The following TECTA variants were observed in gnomAD, a reference collection of about 807,000 sequenced individuals.
TECTA encodes the protein tectorin alpha.
A neutral mutation model predicts 216.8 loss-of-function variants in TECTA; 128 were observed. That is an observed-to-expected ratio of 0.59 (90% CI 0.51 to 0.68). TECTA has a LOEUF of 0.68. Ranked by LOEUF, TECTA falls within the 30% of genes least tolerant of loss-of-function variation. TECTA has a pLI of 0.00. For missense variants in TECTA, 2,551 were observed against 2,786.2 expected, an observed-to-expected ratio of 0.92 and a Z score of 1.90; for synonymous variants, 1,089 against 1,117.1, an observed-to-expected ratio of 0.97 and a Z score of 0.50.
At chr11:121,141,324 A>G (rs1426735309) in intron 11 of TECTA, among the ~76,000 whole-genome samples, 2 of 152,260 alleles carry the variant, frequency 1.3e-5, no homozygotes, top group African/African-American at 4.8e-5. Context: ...CACAGCCCAC[A>G]GTGCAGGTCA....
chr11:121,190,096 C>T (rs1947327224), intron 23 of TECTA: 1 of 563,246 alleles, frequency 1.8e-6, no homozygotes, highest in Non-Finnish European at 3.2e-6. Flanking sequence ...GCTCTTTCAT[C>T]TAAAATATAA....
At position 121,168,751 on chromosome 11, in the gene TECTA, A is replaced by G. The variant is rs373343675; in HGVS notation, c.5825A>G (p.Tyr1942Cys). The G allele has an allele frequency of 6.2e-7, 1 of 1,614,204 alleles. No individual in the cohort carries two copies. The highest frequency in any genetic ancestry group is 8.5e-7 in the Non-Finnish European group (1 of 1,180,026). Residue 1942 changes from tyrosine to cysteine, a missense_variant, in exon 20 of 24, where the codon TAC becomes TGC. Around this residue, in one of 3 missense-constraint regions of TECTA, gnomAD observed 2,375 missense variants for 2,563.9 expected, o/e 0.93. Transcript: ENST00000392793. ...TKMALYKNAS[Y>C]KHPYRQGEVV... ...ATGGCTCTCTACAAAAACGCCTCCT[A>G]CAAACATCCTTACCGCCAGGGTGAA...
At chr11:121,128,419 T>C in intron 9 of TECTA, 75 bp downstream of exon 9, 1 of 1,459,426 alleles carries the variant, frequency 6.9e-7, no homozygotes, top group South Asian at 1.2e-5. Flanking sequence ...CCTCTTCAGG[T>C]TTGCCTTTCT....
intron 13 of TECTA, among the ~76,000 whole-genome samples, chr11:121,156,585 C>G (rs1015500699): frequency 6.6e-6 from 1 of 152,094 alleles, no homozygotes; most frequent in African/African-American, 2.4e-5. Flanking sequence ...CTCCGGTGAT[C>G]CACCCACCTC....
intron 10 of TECTA, among the ~76,000 whole-genome samples, chr11:121,135,186 C>T (rs1946714023): frequency 1.3e-5 from 2 of 152,194 alleles, no homozygotes; most frequent in South Asian, 4.1e-4. Context: ...TGGATGACAG[C>T]TGTGAATCAG....
chr11:121,188,034 C>A, intron 21 of TECTA, 40 bp downstream of exon 21: 5 of 1,611,550 alleles, frequency 3.1e-6, no homozygotes, highest in Non-Finnish European at 4.2e-6. Context: ...AGCCTTATTT[C>A]TCACTGTCTT....
chr11:121,103,658 C>G (rs1946366664), intron 2 of TECTA, among the ~76,000 whole-genome samples: 1 of 151,900 alleles, frequency 6.6e-6, no homozygotes, highest in Non-Finnish European at 1.5e-5. Flanking sequence ...TAGGGATATT[C>G]TTTCTTTTAG....
rs1555127488 is a variant in TECTA at position 121,158,005 on chromosome 11, C to T, written c.4470C>T (p.Ala1490=). 5 of 1,612,864 alleles carry T rather than the reference C, an allele frequency of 3.1e-6. No individual in the cohort carries two copies. The highest frequency in any genetic ancestry group is 4.2e-6 in the Non-Finnish European group (5 of 1,179,914). The change falls in exon 14 of 24, where the codon GCC becomes GCT. Residue 1490 remains alanine (A), a synonymous_variant. Transcript: ENST00000392793. ...FSTKTSYCLA[A]GGGVFRTFDG... ...CCAAGACCTCCTACTGCCTGGCGGC[C>T]GGCGGCGGCGTCTTCCGCACCTTCG...
intron 20 of TECTA, among the ~76,000 whole-genome samples, chr11:121,172,612 A>G (rs1439449684): frequency 6.6e-6 from 1 of 151,748 alleles, no homozygotes; most frequent in African/African-American, 2.4e-5. Context: ...GGTTGGTTCC[A>G]AGTCTTTGCT....
chr11:121,143,211 C>G (rs1411931701), intron 11 of TECTA, among the ~76,000 whole-genome samples: 1 of 152,172 alleles, frequency 6.6e-6, no homozygotes, highest in African/African-American at 2.4e-5. Flanking sequence ...GGATACAAGG[C>G]CCTTCATGAT....
chr11:121,140,505 A>G (rs1355660470), intron 11 of TECTA, among the ~76,000 whole-genome samples: 1 of 152,200 alleles, frequency 6.6e-6, no homozygotes, highest in Non-Finnish European at 1.5e-5. Context: ...GGAGGTGTGA[A>G]TTAGTTTATT....
At chr11:121,152,505 A>G (rs960260315) in intron 12 of TECTA, among the ~76,000 whole-genome samples, 5 of 152,320 alleles carry the variant, frequency 3.3e-5, no homozygotes, top group African/African-American at 1.2e-4. Context: ...AATGTGAATG[A>G]AGACCTAGAG....
intron 20 of TECTA, among the ~76,000 whole-genome samples, chr11:121,175,594 G>C (rs996950651): frequency 1.6e-4 from 24 of 152,260 alleles, no homozygotes; most frequent in African/African-American, 5.5e-4. Context: ...CATTTGCTGA[G>C]GAGAGCTTTA....
Position 121,127,507 on chromosome 11 carries a change from T to A in TECTA, c.1775-245T>A, listed in dbSNP as rs562707726. 1.2e-4 allele frequency among the ~76,000 whole-genome samples: 18 copies of A among 152,284 alleles called. No homozygotes were observed. In the South Asian group the frequency reaches 3.7e-3, roughly 32 times the overall value. On this transcript the variant is annotated intron_variant, in intron 8 of 23. Coordinates refer to ENST00000392793, the MANE Select transcript of TECTA (RefSeq NM_005422.4). This position sits in a 1 kb window ranked among gnomAD's most constrained non-coding sequence, Gnocchi z 5.0. ...TCTAGAAAGGATGGCATCCTGAAAG[T>A]TTAATTTTAGTCAAGATGATCAAAT... is the stretch of plus-strand genomic sequence containing the variant.
rs149602974 is a variant in TECTA at position 121,168,692 on chromosome 11, A to G, written c.5766A>G (p.Thr1922=). The change falls in exon 20 of 24, where the codon ACA becomes ACG. Residue 1922 remains threonine, a synonymous_variant. Coordinates refer to ENST00000392793, the MANE Select transcript of TECTA (RefSeq NM_005422.4). ...VKPMLSVINL[T]VPTQEGSFIT... is the part of the protein sequence containing the mutation. ...TCCGTTTTAGTGTAATTAACCTGAC[A>G]GTTCCAACCCAAGAAGGCAGCTTCA... The G allele has an allele frequency of 5.0e-4, 805 of 1,614,054 alleles. No homozygotes were observed. The highest frequency in any genetic ancestry group is 6.4e-4 in the Non-Finnish European group (757 of 1,180,004).
At chr11:121,157,787 G>T (rs1946956205) in intron 13 of TECTA, 54 bp from the exon 14 acceptor site, 1 of 1,611,780 alleles carries the variant, frequency 6.2e-7, no homozygotes, top group Non-Finnish European at 8.5e-7. Context: ...GGGCTTTCGG[G>T]TCCCCAGCCC....
Position 121,125,708 on chromosome 11 carries a change from G to A in TECTA, c.1610G>A (p.Cys537Tyr), listed in dbSNP as rs923075739. ...AAGACAGACGGCCCTCTGTGGGAGT[G>A]TGGCACTGTCGTGGACCCCACTGCT... ...LNKTDGPLWECGTVVDPTAFV... is the reference protein window; with the variant it reads ...LNKTDGPLWEYGTVVDPTAFV... The change falls in exon 8 of 24, where the codon TGT becomes TAT. Residue 537 changes from cysteine (C) to tyrosine (Y), a missense_variant. By Grantham distance (194) the Cys-to-Tyr change is radical. Coordinates refer to ENST00000392793, the MANE Select transcript of TECTA (RefSeq NM_005422.4). 2.5e-6 allele frequency: 4 copies of A among 1,610,868 alleles called. No individual in the cohort carries two copies. The highest frequency in any genetic ancestry group is 2.7e-5 in the African/African-American group (2 of 74,870).
chr11:121,181,474 G>T (rs10400319), intron 20 of TECTA, among the ~76,000 whole-genome samples: 42,925 of 136,068 alleles, frequency 0.32, 7,618 homozygotes, highest in African/African-American at 0.52. Context: ...TTATTATTAT[G>T]ATTTTATTTT....
rs140669621 is a variant in TECTA at position 121,125,677 on chromosome 11, C to T, written c.1579C>T (p.Leu527Phe). 19 of 1,609,720 alleles carry T rather than the reference C, an allele frequency of 1.2e-5. No homozygotes were observed. The highest frequency in any genetic ancestry group is 1.4e-5 in the Non-Finnish European group (17 of 1,176,340). The change falls in exon 8 of 24, where the codon CTC becomes TTC. Residue 527 changes from leucine (L) to phenylalanine (F), a missense_variant. Leu to Phe is a conservative substitution (Grantham distance 22). Transcript: ENST00000392793. Reference protein sequence around the residue: ...LYFGSDYCGFLNKTDGPLWEC... With the variant: ...LYFGSDYCGFFNKTDGPLWEC... ...CTTTGGCTCTGACTACTGCGGCTTC[C>T]TCAACAAGACAGACGGCCCTCTGTG... is the stretch of plus-strand genomic sequence containing the variant.
Sources: gnomAD v4.1 joint callset for allele counts (sites outside exome capture counted in the v4.1 genomes callset) on GRCh38, gnomAD v4.1.1 for gene constraint, gnomAD v4.1.1 regional missense constraint, Gnocchi (gnomAD v3.1) non-coding constraint, MANE v1.5 for transcripts, NCBI Gene and HGNC (gene_info 2026-07-23, HGNC 2026-07-21) for gene names.